Variants in DAAM1 observed in about 807,000 individuals in gnomAD.
The protein encoded by DAAM1 is disheveled-associated activator of morphogenesis 1.
A neutral mutation model predicts 130.0 loss-of-function variants in DAAM1; 52 were observed. The observed-to-expected ratio is 0.40, with a 90% CI of 0.32 to 0.50. The LOEUF is 0.50. Ranked by LOEUF, DAAM1 falls within the 20% of genes least tolerant of loss-of-function variation. The pLI is 0.61. For synonymous variants in DAAM1, 452 were observed against 444.5 expected, an observed-to-expected ratio of 1.02 and a Z score of -0.21; for missense variants, 1,134 against 1,303.8, an observed-to-expected ratio of 0.87 and a Z score of 2.01.
intron 16 of DAAM1, among the ~76,000 whole-genome samples, chr14:59,345,159 C>T (rs1886021739): frequency 6.6e-6 from 1 of 152,116 alleles, no homozygotes; most frequent in East Asian, 1.9e-4. Flanking sequence ...CCTGATGCTG[C>T]GAGTCGGTTT....
chr14:59,215,816 C>G (rs542165594), intron 1 of DAAM1, among the ~76,000 whole-genome samples: 17 of 152,192 alleles, frequency 1.1e-4, no homozygotes, highest in Non-Finnish European at 2.4e-4. Context: ...CAAGTGCCTT[C>G]TCGCTACAAT....
At chr14:59,199,318 G>A (rs1378027364) in intron 1 of DAAM1, among the ~76,000 whole-genome samples, 36 of 152,106 alleles carry the variant, frequency 2.4e-4, no homozygotes. Flanking sequence ...ATGAGGTCTT[G>A]AACTCCTGGC....
intron 1 of DAAM1, among the ~76,000 whole-genome samples, chr14:59,195,938 C>T (rs1384566607): frequency 6.6e-6 from 1 of 151,236 alleles, no homozygotes. Context: ...ACATTGTGGA[C>T]ATATCAGTGC....
At chr14:59,296,989 T>G (rs931713709) in intron 3 of DAAM1, among the ~76,000 whole-genome samples, 8 of 152,158 alleles carry the variant, frequency 5.3e-5, no homozygotes, top group Admixed American at 3.3e-4. Context: ...AGATGGAAAC[T>G]CCAACACTGG....
chr14:59,248,081 G>A lies in DAAM1; in HGVS notation c.-37-15360G>A, dbSNP rs370451734. 9.3e-4 allele frequency among the ~76,000 whole-genome samples: 141 copies of A among 152,280 alleles called. 1 individual carries two copies. In the South Asian group the frequency reaches 0.028, roughly 30 times the overall value. ...ACTTCTGTCCAAATACTCTGGCTTG[G>A]TAAGTGAGTAGGAGTAATAATTTAA... On this transcript the variant is annotated intron_variant, in intron 1 of 24. Transcript: ENST00000360909.
chr14:59,261,076 C>T (rs1209647037), intron 1 of DAAM1, among the ~76,000 whole-genome samples: 1 of 152,176 alleles, frequency 6.6e-6, no homozygotes, highest in Non-Finnish European at 1.5e-5. Flanking sequence ...AGCCAGGGCT[C>T]TGCTCTGAGA....
rs561303355 is a variant in DAAM1, at chr14:59,309,563, G to A, written c.274-5717G>A. ...CCAGTCACTTGTTTTAGTAAATAAA[G>A]TGTTGCTGAAATGTGGCATTGCCTA... On this transcript the variant is annotated intron_variant, in intron 3 of 24. Transcript: ENST00000360909. Among the ~76,000 whole-genome samples, 17 of 152,350 alleles carry A rather than the reference G, an allele frequency of 1.1e-4. No individual in the cohort carries two copies. In the South Asian group the frequency reaches 3.3e-3, roughly 30 times the overall value.
rs1887627686 is a variant in DAAM1 at position 59,188,676 on chromosome 14, T to C, written c.-130T>C. ...GAGGGTGATGTCACCTGCGAGTTAG[T>C]AACCTACGAGCGGCTGTGAAGGAAA... On this transcript the variant is annotated 5_prime_UTR_variant, in exon 1 of 25. Transcript: ENST00000360909. 6.5e-6 allele frequency: 1 copy of C among 152,860 alleles called. No homozygotes were observed. The highest frequency in any genetic ancestry group is 2.1e-4 in the South Asian group (1 of 4,838). The allele number at this position is 152,860 out of a possible 1,614,324, so 9.5% of individuals were successfully genotyped here. A position where few individuals can be genotyped will look rare whatever the true frequency, so the allele number is the denominator to read the frequency against.
chr14:59,290,499 A>G (rs1002555167), intron 2 of DAAM1, among the ~76,000 whole-genome samples: 3 of 152,218 alleles, frequency 2.0e-5, no homozygotes, highest in Non-Finnish European at 4.4e-5. Flanking sequence ...TGTGAGAGGT[A>G]CAGTAAATGA....
At chr14:59,326,872 TGCAGTTA>T (rs2139626713) in intron 11 of DAAM1, 54 bp from the exon 12 acceptor site, 1 of 1,598,886 alleles carries the variant, frequency 6.3e-7, no homozygotes. Flanking sequence ...CTGGGGAGAA[TGCAGTTA>T]GCAGTGGACC....
At chr14:59,285,724 C>G (rs561605130) in intron 2 of DAAM1, among the ~76,000 whole-genome samples, 1 of 152,310 alleles carries the variant, frequency 6.6e-6, no homozygotes, top group Non-Finnish European at 1.5e-5. Flanking sequence ...GAAGACTTAA[C>G]TATCCTAAAT....
intron 3 of DAAM1, among the ~76,000 whole-genome samples, chr14:59,293,368 C>T (rs8004862): frequency 0.14 from 20,906 of 152,156 alleles, 1,617 homozygotes; most frequent in Middle Eastern, 0.2. Flanking sequence ...AGCTGCTGCT[C>T]ATTTTTCAAT....
At chr14:59,256,745 A>G (rs1213494154) in intron 1 of DAAM1, among the ~76,000 whole-genome samples, 1 of 152,212 alleles carries the variant, frequency 6.6e-6, no homozygotes, top group Non-Finnish European at 1.5e-5. Flanking sequence ...TTCATCGGAC[A>G]GGAAAAGGAC....
At chr14:59,192,149 G>GGGGTGTGT (rs1555353452) in intron 1 of DAAM1, among the ~76,000 whole-genome samples, 7 of 138,560 alleles carry the variant, frequency 5.1e-5, no homozygotes, top group South Asian at 4.9e-4. Flanking sequence ...CTTGTTAAGG[G>GGGGTGTGT]GTGTGTGTGT....
intron 1 of DAAM1, among the ~76,000 whole-genome samples, chr14:59,206,547 T>C (rs964621541): frequency 6.6e-6 from 1 of 152,260 alleles, no homozygotes; most frequent in Non-Finnish European, 1.5e-5. Context: ...AGTGCTGGGA[T>C]TACTGGCGTA....
intron 2 of DAAM1, among the ~76,000 whole-genome samples, chr14:59,283,523 T>C (rs1462887976): frequency 6.6e-6 from 1 of 152,178 alleles, no homozygotes; most frequent in Non-Finnish European, 1.5e-5. Flanking sequence ...TGTGTGTTTT[T>C]GTGATGTAAC....
chr14:59,335,676 C>A (rs958000412), intron 15 of DAAM1, among the ~76,000 whole-genome samples: 3 of 152,014 alleles, frequency 2.0e-5, no homozygotes, highest in Non-Finnish European at 2.9e-5. Context: ...TTGAGGACAG[C>A]CCTTCCTTAA....
intron 1 of DAAM1, among the ~76,000 whole-genome samples, chr14:59,237,549 A>G (rs866004873): frequency 2.0e-5 from 3 of 152,202 alleles, no homozygotes; most frequent in Non-Finnish European, 4.4e-5. Flanking sequence ...GCATTTTGTC[A>G]TATACTTTTT....
intron 18 of DAAM1, 28 bp from the exon 19 acceptor site, chr14:59,353,848 A>G: frequency 6.2e-7 from 1 of 1,604,388 alleles, no homozygotes; most frequent in Non-Finnish European, 8.5e-7. Flanking sequence ...TTAAATGAAT[A>G]TCAATTAGTA....
Sources: allele counts gnomAD v4.1 joint callset (sites outside exome capture counted in the v4.1 genomes callset), GRCh38; gene constraint gnomAD v4.1.1; transcripts MANE v1.5; gene names NCBI Gene and HGNC (gene_info 2026-07-23, HGNC 2026-07-21).